MPRIP: variants seen among roughly 807,000 people sequenced by gnomAD.
MPRIP encodes myosin phosphatase Rho interacting protein.
MPRIP carries 59 observed loss-of-function variants against 234.9 expected under a neutral mutation model. That is an observed-to-expected ratio of 0.25 (90% CI 0.20 to 0.31). MPRIP has a LOEUF of 0.31. MPRIP is among the 10% of genes least tolerant of loss of function. The pLI, the probability that MPRIP is intolerant of heterozygous loss-of-function variation, is 1.00. For missense variants in MPRIP, 2,436 were observed against 3,071.0 expected, an observed-to-expected ratio of 0.79 and a Z score of 4.89; for synonymous variants, 1,144 against 1,263.9, an observed-to-expected ratio of 0.91 and a Z score of 2.01.
chr17:17,061,185 G>T (rs2088857017), intron 1 of MPRIP, among the ~76,000 whole-genome samples: 1 of 152,232 alleles, frequency 6.6e-6, no homozygotes, highest in Non-Finnish European at 1.5e-5. Context: ...GACACACAAG[G>T]TCTTGGCAGG....
Position 17,177,156 on chromosome 17 carries a change from C to G in MPRIP, c.6958-94C>G, listed in dbSNP as rs550811773. 39 of 1,269,588 alleles carry G rather than the reference C, an allele frequency of 3.1e-5. No individual in the cohort carries two copies. The South Asian group carries it at 4.9e-4, about 16-fold the overall frequency. 78.6% of individuals were successfully genotyped at this position (1,269,588 alleles called of 1,614,324 possible). A position where few individuals can be genotyped will look rare whatever the true frequency, so the allele number is the denominator to read the frequency against. ...CTCCTCTTCCGCCCACAGCAAGCCT[C>G]CCTACCGTGTTCAGTCCCCAGGAAG... is the stretch of plus-strand genomic sequence containing the variant. On this transcript the variant is annotated intron_variant, in intron 21 of 23. Coordinates refer to ENST00000651222, the MANE Select transcript of MPRIP (RefSeq NM_001364716.4).
rs1436752823 is a variant in MPRIP at position 17,138,336 on chromosome 17, C to G, written c.1157C>G (p.Ala386Gly). 9.1e-5 allele frequency: 34 copies of G among 373,050 alleles called. No individual in the cohort carries two copies. Among genetic ancestry groups the G allele is most frequent in the East Asian group, 4.4e-5 (1 of 22,802 alleles). 23.1% of individuals were successfully genotyped at this position (373,050 alleles called of 1,614,324 possible). The stretch of plus-strand genomic sequence containing the variant: ...GCCATCAGGATCAGCCACCGAGAAG[C>G]CTTCCAGGTGGAGAGAAGGCGGCTG... ...PKAIRISHRE[A>G]FQVERRRLER... Residue 386 changes from alanine to glycine, a missense_variant, in exon 7 of 24, where the codon GCC (alanine) becomes GGC (glycine). Physicochemically the swap from Ala to Gly is moderately conservative, Grantham distance 60. Around this residue, in one of 4 missense-constraint regions of MPRIP, gnomAD observed 267 missense variants for 252.7 expected, o/e 1.06. Transcript: ENST00000651222. This position sits in a 1 kb window ranked among gnomAD's most constrained non-coding sequence, Gnocchi z 5.8.
In MPRIP at chr17:17,164,879, C is replaced by CGCAGAGCACGT; in HGVS notation, c.3296_3306dup (p.Leu1103ThrfsTer19). 7.7e-7 allele frequency: 1 copy of CGCAGAGCACGT among 1,303,930 alleles called. No homozygotes were observed. Among genetic ancestry groups the CGCAGAGCACGT allele is most frequent in the Non-Finnish European group, 1.0e-6 (1 of 988,816 alleles). The allele number at this position is 1,303,930 out of a possible 1,614,324, so 80.8% of individuals were successfully genotyped here. On this transcript the variant is annotated frameshift_variant, in exon 16 of 24. Transcript: ENST00000651222. LOFTEE classifies it high-confidence loss of function. Reference sequence around the variant, plus strand: ...CACGAGAGGCCAGCGTGCGCAGGCTCGCAGAGCACGTGCAGAGCCTCTGTG... The same window carrying CGCAGAGCACGT: ...CACGAGAGGCCAGCGTGCGCAGGCTCGCAGAGCACGTGCAGAGCACGTGCAGAGCCTCTGTG...
chr17:17,142,763 C>T lies in MPRIP; in HGVS notation c.1387C>T (p.Arg463Trp), dbSNP rs143411460. 78 of 1,611,936 alleles carry T rather than the reference C, an allele frequency of 4.8e-5. No homozygotes were observed. Among genetic ancestry groups the T allele is most frequent in the African/African-American group, 2.5e-4 (19 of 75,000 alleles). ...CGAGAAGAGGGCGTTCCCTAGGAAG[C>T]GGGTGAGCTCCTGGGGCTGGGCAGC... is the stretch of plus-strand genomic sequence containing the variant. Reference protein sequence around the residue: ...RSEKRAFPRKRDFTNEAPPAP... With the variant: ...RSEKRAFPRKWDFTNEAPPAP... The change falls in exon 8 of 24, where the codon CGG (arginine) becomes TGG (tryptophan). Residue 463 changes from arginine to tryptophan, a missense_variant and splice_region_variant. This residue lies in a region of MPRIP where 267 missense variants were observed against 252.7 expected (regional missense o/e 1.06). Coordinates refer to ENST00000651222, the MANE Select transcript of MPRIP (RefSeq NM_001364716.4).
At chr17:17,147,597 T>G (rs2144537361) in intron 11 of MPRIP, among the ~76,000 whole-genome samples, 1 of 152,334 alleles carries the variant, frequency 6.6e-6, no homozygotes, top group South Asian at 2.1e-4. Context: ...AAGACCAGCC[T>G]TTGTCCTTGT....
intron 3 of MPRIP, among the ~76,000 whole-genome samples, chr17:17,094,061 TTCTC>T (rs748198198): frequency 4.1e-4 from 63 of 152,116 alleles, no homozygotes; most frequent in Non-Finnish European, 8.1e-4. Flanking sequence ...CTCTCTCTCT[TTCTC>T]TCTCTCTCTT....
chr17:17,064,690 C>T (rs1344973281), intron 1 of MPRIP, among the ~76,000 whole-genome samples: 2 of 152,290 alleles, frequency 1.3e-5, no homozygotes, highest in South Asian at 4.1e-4. Flanking sequence ...AATTCTCTGG[C>T]TATTCATCCA....
intron 3 of MPRIP, among the ~76,000 whole-genome samples, chr17:17,092,142 C>G (rs1281932728): frequency 1.3e-5 from 2 of 152,248 alleles, no homozygotes; most frequent in Admixed American, 6.5e-5. Flanking sequence ...ACCATATTCC[C>G]CATGGCATCC....
chr17:17,066,928 ATAAT>A (rs1236261296), intron 1 of MPRIP, among the ~76,000 whole-genome samples: 1 of 150,560 alleles, frequency 6.6e-6, no homozygotes, highest in African/African-American at 2.4e-5. Flanking sequence ...CTAGCTATTA[ATAAT>A]TTTTTTTTGG....
chr17:17,090,675 A>G (rs1255637005), intron 3 of MPRIP, among the ~76,000 whole-genome samples: 1 of 152,196 alleles, frequency 6.6e-6, no homozygotes. Context: ...GAAATCACAC[A>G]CAAACCACAG....
chr17:17,071,931 A>G lies in MPRIP; in HGVS notation c.124-3779A>G, dbSNP rs2089204117. ...CCTGCCTCCCTCCAAAATGCCCAGC[A>G]GCTCAACCAGAAAACAGCAAAGCTA... On this transcript the variant is annotated intron_variant, in intron 1 of 23. Transcript: ENST00000651222. 2.0e-5 allele frequency among the ~76,000 whole-genome samples: 3 copies of G among 152,322 alleles called. No homozygotes were observed. The South Asian group carries it at 6.2e-4, about 32-fold the overall frequency.
intron 3 of MPRIP, among the ~76,000 whole-genome samples, chr17:17,110,190 T>C (rs1328858594): frequency 6.6e-6 from 1 of 152,066 alleles, no homozygotes; most frequent in African/African-American, 2.4e-5. Flanking sequence ...GACCATGTGA[T>C]CTCTGCACAC....
Position 17,165,745 on chromosome 17 carries a change from C to T in MPRIP, c.4154C>T (p.Ser1385Phe), listed in dbSNP as rs1343323075. The change falls in exon 16 of 24, where the codon TCC (serine) becomes TTC (phenylalanine). Residue 1385 changes from serine (S) to phenylalanine (F), a missense_variant. Coordinates refer to ENST00000651222, the MANE Select transcript of MPRIP (RefSeq NM_001364716.4). Reference protein sequence around the residue: ...DSDTYLSIIHSLETKLYVTEE... With the variant: ...DSDTYLSIIHFLETKLYVTEE... ...GACACGTACCTCTCCATCATCCACTCCCTGGAGACCAAGCTCTACGTCACA... is the reference window on the plus strand; with the variant it reads ...GACACGTACCTCTCCATCATCCACTTCCTGGAGACCAAGCTCTACGTCACA... 1 of 1,304,930 alleles carries T rather than the reference C, an allele frequency of 7.7e-7. No individual in the cohort carries two copies. The highest frequency in any genetic ancestry group is 1.2e-5 in the South Asian group (1 of 81,034). 80.8% of individuals were successfully genotyped at this position (1,304,930 alleles called of 1,614,324 possible). A position where few individuals can be genotyped will look rare whatever the true frequency, so the allele number is the denominator to read the frequency against.
At chr17:17,133,274 C>A (rs554091354) in intron 5 of MPRIP, among the ~76,000 whole-genome samples, 1 of 152,208 alleles carries the variant, frequency 6.6e-6, no homozygotes, top group Non-Finnish European at 1.5e-5. Flanking sequence ...CTCCTTTCTA[C>A]CCTTTGGTCC....
intron 23 of MPRIP, 188 bp downstream of exon 23, chr17:17,180,276 C>A: frequency 1.6e-6 from 1 of 609,600 alleles, no homozygotes; most frequent in Non-Finnish European, 2.9e-6. Context: ...GTCTTGGAGC[C>A]ACCTCCTGGC....
rs1030576857 is a variant in MPRIP at position 17,190,237 on chromosome 17, A to C, written c.*5343A>C. The C allele has an allele frequency of 6.6e-6, 1 of 152,256 alleles. No individual in the cohort carries two copies. Among genetic ancestry groups the C allele is most frequent in the Non-Finnish European group, 1.5e-5 (1 of 68,050 alleles). The allele number at this position is 152,256 out of a possible 1,614,324, so 9.4% of individuals were successfully genotyped here. On this transcript the variant is annotated 3_prime_UTR_variant, in exon 24 of 24. Coordinates refer to ENST00000651222, the MANE Select transcript of MPRIP (RefSeq NM_001364716.4). ...TCATCCAGTGAACGGTCATCTTCAC[A>C]TCGAAAGGTGAAGGCCACCACTGTT...
At chr17:17,064,510 A>C (rs2088964120) in intron 1 of MPRIP, among the ~76,000 whole-genome samples, 1 of 152,140 alleles carries the variant, frequency 6.6e-6, no homozygotes, top group Non-Finnish European at 1.5e-5. Context: ...TGGGATACTG[A>C]CTACAATGCA....
chr17:17,183,503 A>G (rs2046414893), intron 23 of MPRIP, among the ~76,000 whole-genome samples: 1 of 152,202 alleles, frequency 6.6e-6, no homozygotes, highest in Middle Eastern at 3.2e-3. Flanking sequence ...GGCGTGAGCC[A>G]CCGCGCCCGG....
intron 3 of MPRIP, among the ~76,000 whole-genome samples, chr17:17,089,946 A>G (rs943158769): frequency 6.6e-6 from 1 of 152,092 alleles, no homozygotes; most frequent in African/African-American, 2.4e-5. Flanking sequence ...GGTTTCCCTG[A>G]CTCAAGTCAG....
Sources: gnomAD v4.1 joint callset for allele counts (sites outside exome capture counted in the v4.1 genomes callset) on GRCh38, gnomAD v4.1.1 for gene constraint, gnomAD v4.1.1 regional missense constraint, Gnocchi (gnomAD v3.1) non-coding constraint, MANE v1.5 for transcripts, NCBI Gene and HGNC (gene_info 2026-07-23, HGNC 2026-07-21) for gene names.